Variants in CEP85L observed in about 807,000 individuals in gnomAD.
CEP85L encodes the protein centrosomal protein 85L, also known as centrosomal protein of 85 kDa-like.
Under a neutral mutation model 100.3 loss-of-function variants are expected in CEP85L, and 60 were observed. The ratio of observed to expected loss-of-function variants is 0.60; its 90% CI spans 0.49 to 0.74. The LOEUF (loss-of-function observed/expected upper bound fraction) is 0.74, where lower values mean the gene tolerates loss of function less well. CEP85L is among the 30% of genes least tolerant of loss of function. CEP85L has a pLI of 0.00. For synonymous variants in CEP85L, 319 were observed against 322.7 expected, an observed-to-expected ratio of 0.99 and a Z score of 0.12; for missense variants, 973 against 936.2, an observed-to-expected ratio of 1.04 and a Z score of -0.51.
intron 3 of CEP85L, among the ~76,000 whole-genome samples, chr6:118,558,626 TACACAC>T (rs371775061): frequency 0.01 from 1,167 of 111,566 alleles, 9 homozygotes; most frequent in East Asian, 0.027. Context: ...CACGTGCACA[TACACAC>T]ACACACACAC....
chr6:118,527,174 T>C (rs1463592577), intron 3 of CEP85L, among the ~76,000 whole-genome samples: 4 of 152,000 alleles, frequency 2.6e-5, no homozygotes, highest in African/African-American at 7.3e-5. Flanking sequence ...CCAGCTAATT[T>C]TGTATTTTTA....
intron 12 of CEP85L, among the ~76,000 whole-genome samples, chr6:118,467,789 T>C (rs1276217170): frequency 2.6e-5 from 4 of 152,208 alleles, no homozygotes; most frequent in Admixed American, 2.0e-4. Flanking sequence ...AAGCACTCCA[T>C]GTTCACCAGG....
chr6:118,536,283 G>C (rs1323914807), intron 3 of CEP85L, among the ~76,000 whole-genome samples: 1 of 152,142 alleles, frequency 6.6e-6, no homozygotes, highest in African/African-American at 2.4e-5. Flanking sequence ...GAACAGTAGA[G>C]ATGGGTAGGA....
upstream of CEP85L, among the ~76,000 whole-genome samples, chr6:118,653,710 T>TCTA (rs60035386): frequency 0.71 from 107,045 of 151,486 alleles, 38,517 homozygotes; most frequent in Non-Finnish European, 0.75. Flanking sequence ...TGGCAGTTGT[T>TCTA]CTGTGCAGAT....
rs138845478 is a variant in CEP85L at position 118,566,505 on chromosome 6, C to A, written c.233-189G>T. 3.7e-3 allele frequency among the ~76,000 whole-genome samples: 561 copies of A among 152,168 alleles called. 3 individuals carry two copies. The highest frequency in any genetic ancestry group is 0.013 in the African/African-American group (535 of 41,502). The stretch of plus-strand genomic sequence containing the variant: ...AGATCTCGGCTCACCGCAATCTCTG[C>A]CTCCTGGGTTCAAGTGACTCTCCTG... On this transcript the variant is annotated intron_variant, in intron 2 of 12. Coordinates refer to ENST00000368491, the MANE Select transcript of CEP85L (RefSeq NM_001042475.3).
At chr6:118,467,016 A>G (rs1301116197) in intron 12 of CEP85L, among the ~76,000 whole-genome samples, 1 of 152,082 alleles carries the variant, frequency 6.6e-6, no homozygotes, top group African/African-American at 2.4e-5. Flanking sequence ...GAAAAAGCAG[A>G]GTGGAGAATA....
intron 1 of CEP85L, among the ~76,000 whole-genome samples, chr6:118,647,683 T>A (rs553408115): frequency 7.9e-5 from 12 of 152,250 alleles, no homozygotes; most frequent in African/African-American, 2.4e-4. Context: ...TTTAAAAAAA[T>A]TATTTACGAA....
rs1772280138 is a variant in CEP85L, at chr6:118,462,427, AG to A, written c.*2977del. The A allele has an allele frequency of 6.6e-6, 1 of 152,024 alleles. No individual in the cohort carries two copies. Among genetic ancestry groups the A allele is most frequent in the African/African-American group, 2.4e-5 (1 of 41,442 alleles). The allele number at this position is 152,024 out of a possible 1,614,324, so 9.4% of individuals were successfully genotyped here. ...TTGATTCAGTGAATTTTATCTGTAC[AG>A]GCAATTTGGGTCTTTCATTGAGTCA... On this transcript the variant is annotated 3_prime_UTR_variant, in exon 13 of 13. Transcript: ENST00000368491.
At chr6:118,550,513 G>T in intron 3 of CEP85L, among the ~76,000 whole-genome samples, 1 of 151,604 alleles carries the variant, frequency 6.6e-6, no homozygotes, top group East Asian at 1.9e-4. Flanking sequence ...TAATATACTC[G>T]TGTACACAAA....
At chr6:118,675,476 TTAAAAG>T (rs1376474409) in intron 1 of CEP85L, among the ~76,000 whole-genome samples, 1 of 152,042 alleles carries the variant, frequency 6.6e-6, no homozygotes, top group African/African-American at 2.4e-5. Context: ...ACTGTGCACT[TTAAAAG>T]TGTAAATTTT....
At chr6:118,680,254 C>T (rs369369997) in intron 1 of CEP85L, among the ~76,000 whole-genome samples, 8 of 143,278 alleles carry the variant, frequency 5.6e-5, no homozygotes, top group African/African-American at 2.1e-4. Context: ...GGTCATACCA[C>T]TACACTCCAG....
chr6:118,470,504 C>A, intron 11 of CEP85L, 33 bp downstream of exon 11: 1 of 1,340,176 alleles, frequency 7.5e-7, no homozygotes, highest in Non-Finnish European at 1.0e-6. Context: ...GTGAATCATC[C>A]TTTCAAAGCA....
intron 2 of CEP85L, among the ~76,000 whole-genome samples, chr6:118,621,229 C>T (rs747530573): frequency 1.2e-4 from 19 of 152,180 alleles, no homozygotes; most frequent in Non-Finnish European, 2.5e-4. Context: ...ACCAAATGGT[C>T]AGTGGAGACC....
intron 6 of CEP85L, among the ~76,000 whole-genome samples, chr6:118,484,317 A>G (rs1469018770): frequency 6.6e-6 from 1 of 152,218 alleles, no homozygotes; most frequent in East Asian, 1.9e-4. Context: ...CTTTGTCTCA[A>G]TTTAAACAAA....
chr6:118,627,303 A>C (rs770774166), intron 2 of CEP85L, among the ~76,000 whole-genome samples: 16 of 152,228 alleles, frequency 1.1e-4, no homozygotes, highest in Middle Eastern at 3.4e-3. Flanking sequence ...TGGGAAAATA[A>C]GCATATGAAA....
At position 118,461,752 on chromosome 6, in the gene CEP85L, T is replaced by C. The variant is rs537868418; in HGVS notation, c.*3653A>G. The C allele has an allele frequency of 6.6e-6, 1 of 152,104 alleles. No homozygotes were observed. Among genetic ancestry groups the C allele is most frequent in the South Asian group, 2.1e-4 (1 of 4,828 alleles). 9.4% of individuals were successfully genotyped at this position (152,104 alleles called of 1,614,324 possible). A position where few individuals can be genotyped will look rare whatever the true frequency, so the allele number is the denominator to read the frequency against. ...AAATAGGAAATTGTTCCTGTTGTTT[T>C]GTGAACATGAATTGTCAAAAATGGA... is the stretch of plus-strand genomic sequence containing the variant. On this transcript the variant is annotated 3_prime_UTR_variant, in exon 13 of 13. Transcript: ENST00000368491.
chr6:118,555,339 A>T (rs1399922642), intron 3 of CEP85L, among the ~76,000 whole-genome samples: 5 of 151,374 alleles, frequency 3.3e-5, no homozygotes, highest in African/African-American at 9.7e-5. Context: ...AAGGCAGGAG[A>T]ATGGCGTGAA....
intron 3 of CEP85L, among the ~76,000 whole-genome samples, chr6:118,556,085 A>C (rs1210917569): frequency 1.3e-5 from 2 of 152,122 alleles, no homozygotes; most frequent in Admixed American, 6.5e-5. Flanking sequence ...TGTCTTTGCT[A>C]TTGTGAATAG....
intron 1 of CEP85L, among the ~76,000 whole-genome samples, chr6:118,638,197 G>C (rs1254361953): frequency 3.3e-5 from 5 of 149,904 alleles, no homozygotes; most frequent in Non-Finnish European, 1.5e-5. Context: ...GCAACATAGT[G>C]AGACCGTCTC....
Sources: gnomAD v4.1 joint callset for allele counts (sites outside exome capture counted in the v4.1 genomes callset) on GRCh38, gnomAD v4.1.1 for gene constraint, MANE v1.5 for transcripts, NCBI Gene and HGNC (gene_info 2026-07-23, HGNC 2026-07-21) for gene names.